The following ZNF675 variants were observed in gnomAD, a reference collection of about 807,000 sequenced individuals.
ZNF675 encodes zinc finger protein 675.
In ZNF675, 36 loss-of-function variants were observed where a neutral mutation model predicts 56.1. The observed-to-expected ratio is 0.64, with a 90% CI of 0.49 to 0.85. The LOEUF (loss-of-function observed/expected upper bound fraction) is 0.85. Among genes scored for constraint, ZNF675 ranks in the 40% least tolerant of loss-of-function variants. ZNF675 has a pLI of 0.00. For missense variants in ZNF675, 663 were observed against 654.2 expected (o/e 1.01, Z -0.15); for synonymous variants, 200 against 218.9 (o/e 0.91, Z 0.76).
At chr19:23,670,911 C>T (rs1454276423) in intron 1 of ZNF675, among the ~76,000 whole-genome samples, 1 of 152,112 alleles carries the variant, frequency 6.6e-6, no homozygotes, top group Non-Finnish European at 1.5e-5. Context: ...ACCTGAAACC[C>T]TCAGGGCAAA....
In ZNF675 at chr19:23,654,203, T is replaced by G; in HGVS notation, c.730A>C (p.Thr244Pro). ...CGAGCATAATCTTTTTTATATTCAG[T>G]AAGGTTTGAGAATTGGTTAAAAGTT... ...DRTFNQFSNL[T>P]EYKKDYAREK... Residue 244 changes from threonine to proline, a missense_variant, in exon 4 of 4, where the codon ACT becomes CCT. This residue lies in a region of ZNF675 where 617 missense variants were observed against 590.5 expected (regional missense o/e 1.04). Coordinates refer to ENST00000359788, the MANE Select transcript of ZNF675 (RefSeq NM_138330.3). 1 of 1,614,056 alleles carries G rather than the reference T, an allele frequency of 6.2e-7. No individual in the cohort carries two copies. Among genetic ancestry groups the G allele is most frequent in the Non-Finnish European group, 8.5e-7 (1 of 1,179,986 alleles).
At chr19:23,663,448 T>C (rs1968108383) in intron 1 of ZNF675, among the ~76,000 whole-genome samples, 2 of 152,112 alleles carry the variant, frequency 1.3e-5, no homozygotes, top group Non-Finnish European at 2.9e-5. Flanking sequence ...TCCCAGCACT[T>C]TGGGAGGCCG....
intron 3 of ZNF675, among the ~76,000 whole-genome samples, chr19:23,661,257 C>T (rs1443146453): frequency 1.3e-5 from 2 of 152,034 alleles, no homozygotes; most frequent in African/African-American, 4.8e-5. Context: ...CTGATCCGCC[C>T]ACCTCAGCCT....
intron 1 of ZNF675, among the ~76,000 whole-genome samples, chr19:23,671,881 C>A (rs73015827): frequency 3.3e-5 from 5 of 151,954 alleles, no homozygotes; most frequent in Admixed American, 2.6e-4. Flanking sequence ...ATCTGAGTAC[C>A]AACCAAAGAC....
rs780721744 is a variant in ZNF675 at position 23,653,283 on chromosome 19, G to C, written c.1650C>G (p.Asn550Lys). The C allele has an allele frequency of 1.3e-5, 21 of 1,613,146 alleles. No individual in the cohort carries two copies. Among genetic ancestry groups the C allele is most frequent in the Non-Finnish European group, 1.8e-5 (21 of 1,179,638 alleles). Reference sequence around the variant, plus strand: ...TATGTATTTTTTTATGTTTAGTAAGGTTTGCAGATTGGTTAAAAGCTTTGT... The same window carrying C: ...TATGTATTTTTTTATGTTTAGTAAGCTTTGCAGATTGGTTAAAAGCTTTGT... Reference protein sequence around the residue: ...RCDKAFNQSANLTKHKKIHTG... With the variant: ...RCDKAFNQSAKLTKHKKIHTG... The change falls in exon 4 of 4, where the codon AAC becomes AAG. Residue 550 changes from asparagine to lysine, a missense_variant. By Grantham distance (94) the Asn-to-Lys change is moderately conservative (BLOSUM62 0). Transcript: ENST00000359788.
intron 1 of ZNF675, among the ~76,000 whole-genome samples, chr19:23,672,231 TTTA>T (rs1968236291): frequency 1.8e-4 from 3 of 16,222 alleles, no homozygotes; most frequent in Admixed American, 1.3e-3. Flanking sequence ...AGCTCTTGGG[TTTA>T]AAAAAAAAAA....
intron 1 of ZNF675, among the ~76,000 whole-genome samples, chr19:23,670,108 G>A (rs538825238): frequency 6.6e-6 from 1 of 152,200 alleles, no homozygotes; most frequent in South Asian, 2.1e-4. Flanking sequence ...AGACCACTAT[G>A]AGCAACTCTT....
At chr19:23,675,456 AT>A (rs1306961759) in intron 1 of ZNF675, among the ~76,000 whole-genome samples, 2 of 151,856 alleles carry the variant, frequency 1.3e-5, no homozygotes, top group Admixed American at 1.3e-4. Context: ...AAAATCAGAA[AT>A]AAAACAATCC....
intron 3 of ZNF675, among the ~76,000 whole-genome samples, chr19:23,657,912 G>C (rs894344187): frequency 6.6e-6 from 1 of 151,982 alleles, no homozygotes; most frequent in Non-Finnish European, 1.5e-5. Context: ...ATCCCACAAA[G>C]TGTACAAACA....
chr19:23,680,852 G>A (rs1288610024), intron 1 of ZNF675, among the ~76,000 whole-genome samples: 1 of 151,722 alleles, frequency 6.6e-6, no homozygotes, highest in Non-Finnish European at 1.5e-5. Context: ...GTTGAGGGTG[G>A]AGAGTAGAAG....
chr19:23,656,953 G>C (rs1410520463), intron 3 of ZNF675: 1 of 151,894 alleles, frequency 6.6e-6, no homozygotes, highest in Non-Finnish European at 1.5e-5. Flanking sequence ...CAGTTTTTTT[G>C]AGACAGGTTC....
chr19:23,670,143 T>TG (rs552292221), intron 1 of ZNF675, among the ~76,000 whole-genome samples: 97 of 152,266 alleles, frequency 6.4e-4, no homozygotes, highest in African/African-American at 2.0e-3. Context: ...GATTCCACTG[T>TG]GGGGAACTCT....
At chr19:23,681,672 C>T (rs1028801925) in intron 1 of ZNF675, among the ~76,000 whole-genome samples, 2 of 151,838 alleles carry the variant, frequency 1.3e-5, no homozygotes, top group East Asian at 3.8e-4. Context: ...ATCCACAACA[C>T]TGTCTTTACT....
intron 3 of ZNF675, among the ~76,000 whole-genome samples, chr19:23,659,039 C>T (rs1192119242): frequency 6.7e-6 from 1 of 148,438 alleles, no homozygotes; most frequent in African/African-American, 2.5e-5. Flanking sequence ...ATATATATTG[C>T]AGAATATGGT....
At chr19:23,659,200 C>T (rs1968044427) in intron 3 of ZNF675, among the ~76,000 whole-genome samples, 1 of 151,916 alleles carries the variant, frequency 6.6e-6, no homozygotes, top group Non-Finnish European at 1.5e-5. Context: ...GGAGTGCCTA[C>T]AAATTATCTA....
chr19:23,686,085 A>C (rs777904204), intron 1 of ZNF675: 12 of 152,228 alleles, frequency 7.9e-5, no homozygotes, highest in Non-Finnish European at 1.5e-4. Context: ...ACCTCTGATT[A>C]CATAACCAGG....
chr19:23,670,160 A>G (rs1968210381), intron 1 of ZNF675, among the ~76,000 whole-genome samples: 1 of 152,104 alleles, frequency 6.6e-6, no homozygotes, highest in Non-Finnish European at 1.5e-5. Context: ...CTCTATTTCC[A>G]ATTCTGATTC....
At chr19:23,679,474 C>G (rs1968347008) in intron 1 of ZNF675, among the ~76,000 whole-genome samples, 1 of 151,480 alleles carries the variant, frequency 6.6e-6, no homozygotes, top group Non-Finnish European at 1.5e-5. Flanking sequence ...GACACAGGAA[C>G]CAGCAAATTT....
chr19:23,667,549 C>G (rs544064526), intron 1 of ZNF675, among the ~76,000 whole-genome samples: 1 of 151,962 alleles, frequency 6.6e-6, no homozygotes, highest in Non-Finnish European at 1.5e-5. Context: ...TACAGAGTAT[C>G]GACACAAAGG....
Sources: allele counts gnomAD v4.1 joint callset (sites outside exome capture counted in the v4.1 genomes callset), GRCh38; gene constraint gnomAD v4.1.1; regional missense constraint gnomAD v4.1.1; transcripts MANE v1.5; gene names NCBI Gene and HGNC (gene_info 2026-07-23, HGNC 2026-07-21).